ITGA2B: variants seen among roughly 807,000 people sequenced by gnomAD.
The protein encoded by ITGA2B is integrin alpha-IIb.
A neutral mutation model predicts 142.0 loss-of-function variants in ITGA2B; 91 were observed. The ratio of observed to expected loss-of-function variants is 0.64; its 90% CI spans 0.54 to 0.76. The LOEUF (loss-of-function observed/expected upper bound fraction) is 0.76, where lower values mean the gene tolerates loss of function less well. Ranked by LOEUF, ITGA2B falls within the 30% of genes least tolerant of loss-of-function variation. The pLI is 0.00. For missense variants in ITGA2B, 1,231 were observed against 1,350.8 expected (o/e 0.91, Z 1.39); for synonymous variants, 536 against 567.2 (o/e 0.94, Z 0.78).
At chr17:44,380,579 G>A (rs371118557) in intron 14 of ITGA2B, 21 bp downstream of exon 14, 45 of 1,614,122 alleles carry the variant, frequency 2.8e-5, no homozygotes, top group Admixed American at 1.3e-4. Flanking sequence ...TCCCCATCCC[G>A]CCCCTGGAGC....
intron 1 of ITGA2B, among the ~76,000 whole-genome samples, chr17:44,388,711 G>T (rs940183395): frequency 1.3e-5 from 2 of 151,790 alleles, no homozygotes; most frequent in Non-Finnish European, 2.9e-5. Flanking sequence ...TAGAGACAGG[G>T]TTTCACCATA....
At chr17:44,385,984 C>A (rs931426393) in intron 2 of ITGA2B, 26 bp downstream of exon 2, 3 of 1,613,986 alleles carry the variant, frequency 1.9e-6, no homozygotes, top group African/African-American at 2.7e-5. Flanking sequence ...CTGACCCCAA[C>A]CTTGCTCTCC....
intron 22 of ITGA2B, 134 bp downstream of exon 22, chr17:44,376,875 C>G (rs850732): frequency 9.7e-6 from 7 of 724,126 alleles, no homozygotes; most frequent in Non-Finnish European, 1.7e-5. Flanking sequence ...GGCCTCGCAA[C>G]GTGCTGGGAT....
Position 44,376,914 on chromosome 17 carries a change from C to T in ITGA2B, c.2267+95G>A, listed in dbSNP as rs732246. On this transcript the variant is annotated intron_variant, in intron 22 of 29. Coordinates refer to ENST00000262407, the MANE Select transcript of ITGA2B (RefSeq NM_000419.5). ...AGGTGTGAGCCACTGCGCCTGGCCT[C>T]GAAAGACCCTTCTGTATGGAAGGGA... 2.6e-4 allele frequency: 267 copies of T among 1,030,232 alleles called. No individual in the cohort carries two copies. In the African/African-American group the frequency reaches 3.6e-3, roughly 14 times the overall value. 63.8% of individuals were successfully genotyped at this position (1,030,232 alleles called of 1,614,324 possible).
At position 44,383,630 on chromosome 17, in the gene ITGA2B, C is replaced by T. The variant is rs137852908; in HGVS notation, c.1073G>A (p.Arg358His). 2.5e-6 allele frequency: 4 copies of T among 1,604,020 alleles called. No individual in the cohort carries two copies. Among genetic ancestry groups the T allele is most frequent in the Non-Finnish European group, 3.4e-6 (4 of 1,175,808 alleles). ...RADRKLAEVGRVYLFLQPRGP... is the reference protein window; with the variant it reads ...RADRKLAEVGHVYLFLQPRGP... Reference sequence around the variant, plus strand: ...TCGCGGCTGCAGGAACAAATACACACGCCCCACTTCGGCCAGTTTTCGGTC... The same window carrying T: ...TCGCGGCTGCAGGAACAAATACACATGCCCCACTTCGGCCAGTTTTCGGTC... Residue 358 changes from arginine (R) to histidine (H), a missense_variant, in exon 12 of 30, where the codon CGT (arginine) becomes CAT (histidine). Physicochemically the swap from Arg to His is conservative, Grantham distance 29. This residue lies in a region of ITGA2B where 908 missense variants were observed against 1,021.1 expected (regional missense o/e 0.89). Transcript: ENST00000262407.
In ITGA2B at chr17:44,384,542, A is replaced by G; in HGVS notation, c.843T>C (p.Thr281=). Residue 281 remains threonine, a synonymous_variant, in exon 8 of 30, where the codon ACT becomes ACC. Transcript: ENST00000262407. ...AVGEFDGDLN[T]TEYVVGAPTW... is the part of the protein sequence containing the mutation. ...CGCCCTAAGTGGATTTCTTGCCTGTAGTGTTGAGATCCCCGTCGAACTCGC... is the reference window on the plus strand; with the variant it reads ...CGCCCTAAGTGGATTTCTTGCCTGTGGTGTTGAGATCCCCGTCGAACTCGC... 3 of 1,614,022 alleles carry G rather than the reference A, an allele frequency of 1.9e-6. No individual in the cohort carries two copies. The highest frequency in any genetic ancestry group is 1.7e-6 in the Non-Finnish European group (2 of 1,180,014).
At chr17:44,377,152 ATG>A in intron 21 of ITGA2B, 64 bp from the exon 22 acceptor site, 1 of 1,212,198 alleles carries the variant, frequency 8.2e-7, no homozygotes. Context: ...CCTGCCCTGA[ATG>A]TGGCCTCCAG....
chr17:44,382,109 C>A (rs545005717), intron 12 of ITGA2B, among the ~76,000 whole-genome samples: 53 of 152,210 alleles, frequency 3.5e-4, no homozygotes, highest in African/African-American at 1.3e-3. Context: ...CCTTCCTTCA[C>A]CCTGACACTG....
rs35720866 is a variant in ITGA2B at position 44,388,351 on chromosome 17, CTTTTTTTTTTTT to C, written c.188+923_188+934del. Among the ~76,000 whole-genome samples the C allele has an allele frequency of 8.2e-5, 8 of 97,348 alleles. No individual in the cohort carries two copies. The South Asian group carries it at 2.2e-3, about 27-fold the overall frequency. 63.9% of individuals were successfully genotyped at this position (97,348 alleles called of 152,430 possible). On this transcript the variant is annotated intron_variant, in intron 1 of 29. Transcript: ENST00000262407. ...ATGTGCTCCTCTCCACATTTCCTTT[CTTTTTTTTTTTT>C]TTTTTTTTTTGAGACAGAGTTTCGC...
At chr17:44,375,487 G>A in intron 26 of ITGA2B, 104 bp downstream of exon 26, 1 of 1,404,644 alleles carries the variant, frequency 7.1e-7, no homozygotes, top group Non-Finnish European at 9.8e-7. Flanking sequence ...ACCAAGCGTG[G>A]CCCACAGAGG....
In ITGA2B at chr17:44,384,595, AG is replaced by A. The variant is rs764380490; in HGVS notation, c.800-11del. The A allele has an allele frequency of 8.1e-6, 13 of 1,613,982 alleles. No individual in the cohort carries two copies. In the East Asian group the frequency reaches 2.9e-4, roughly 36 times the overall value. On this transcript the variant is annotated splice_polypyrimidine_tract_variant and intron_variant, in intron 7 of 29. Transcript: ENST00000262407. ...ACGGCCACCGAGTACCCTGAGGACA[AG>A]GGCGCAAATTAGTCTTTTCCAGGGG...
chr17:44,379,998 G>A lies in ITGA2B; in HGVS notation c.1752+4C>T, dbSNP rs375720460. The A allele has an allele frequency of 3.1e-4, 508 of 1,613,260 alleles. 4 individuals carry two copies. In the South Asian group the frequency reaches 4.6e-3, roughly 15 times the overall value. On this transcript the variant is annotated splice_donor_region_variant and intron_variant, in intron 17 of 29. Coordinates refer to ENST00000262407, the MANE Select transcript of ITGA2B (RefSeq NM_000419.5). The stretch of plus-strand genomic sequence containing the variant: ...AGCCCTGCCAATCCCCTGCCTGGGC[G>A]TACTCGAAGGAAGGCCATGGTGGTG...
At position 44,389,408 on chromosome 17, in the gene ITGA2B, T is replaced by C; in HGVS notation, c.66A>G (p.Gly22=). 1 of 1,614,092 alleles carries C rather than the reference T, an allele frequency of 6.2e-7. No homozygotes were observed. Among genetic ancestry groups the C allele is most frequent in the Non-Finnish European group, 8.5e-7 (1 of 1,180,000 alleles). ...WLLEWVLLLL[G]PCAAPPAWAL... The stretch of plus-strand genomic sequence containing the variant: ...CCCAGGCTGGAGGGGCAGCACAAGG[T>C]CCCAAGAGCAGCAGCACCCACTCCA... Residue 22 remains glycine, a synonymous_variant, in exon 1 of 30, where the codon GGA becomes GGG. Coordinates refer to ENST00000262407, the MANE Select transcript of ITGA2B (RefSeq NM_000419.5).
At chr17:44,388,542 G>A (rs1409680817) in intron 1 of ITGA2B, among the ~76,000 whole-genome samples, 12 of 148,526 alleles carry the variant, frequency 8.1e-5, no homozygotes, top group Non-Finnish European at 1.3e-4. Flanking sequence ...TTTTTGAGAC[G>A]GAGTGTCACT....
chr17:44,377,897 G>A, intron 20 of ITGA2B, 107 bp from the exon 21 acceptor site: 5 of 692,958 alleles, frequency 7.2e-6, no homozygotes, highest in South Asian at 4.5e-5. Flanking sequence ...GGGAGGGGGG[G>A]GTTTCTTGGG....
chr17:44,373,016 A>C (rs759695785), intron 29 of ITGA2B, among the ~76,000 whole-genome samples: 25 of 152,282 alleles, frequency 1.6e-4, no homozygotes, highest in Non-Finnish European at 3.2e-4. Flanking sequence ...AGTAGCTGGG[A>C]CTACAGGTGT....
intron 1 of ITGA2B, among the ~76,000 whole-genome samples, chr17:44,388,572 G>T (rs2048670691): frequency 6.6e-6 from 1 of 151,272 alleles, no homozygotes; most frequent in Non-Finnish European, 1.5e-5. Flanking sequence ...AGGCTGGAGT[G>T]CAGTGGCATG....
Position 44,385,198 on chromosome 17 carries a change from C to T in ITGA2B, c.636G>A (p.Leu212=). Residue 212 remains leucine (L), a synonymous_variant, in exon 6 of 30, where the codon CTG becomes CTA. Transcript: ENST00000262407. The stretch of plus-strand genomic sequence containing the variant: ...AATAGCCGCCAGGAGCCCCAAGCAC[C>T]AGCTCTCCGGCCTGGAAGGGAAGTC... The part of the protein sequence containing the change: ...FSSVVTQAGE[L]VLGAPGGYYF... The T allele has an allele frequency of 6.2e-7, 1 of 1,614,068 alleles. No individual in the cohort carries two copies. Among genetic ancestry groups the T allele is most frequent in the Non-Finnish European group, 8.5e-7 (1 of 1,180,008 alleles).
At chr17:44,377,221 A>G (rs1213273972) in intron 21 of ITGA2B, 133 bp from the exon 22 acceptor site, 5 of 733,028 alleles carry the variant, frequency 6.8e-6, no homozygotes, top group Middle Eastern at 2.6e-4. Flanking sequence ...TCCGAGACGG[A>G]GTCTCACTCT....
Sources: gnomAD v4.1 joint callset for allele counts (sites outside exome capture counted in the v4.1 genomes callset) on GRCh38, gnomAD v4.1.1 for gene constraint, gnomAD v4.1.1 regional missense constraint, MANE v1.5 for transcripts, NCBI Gene and HGNC (gene_info 2026-07-23, HGNC 2026-07-21) for gene names.